SYT1: variants seen among roughly 807,000 people sequenced by gnomAD.
The protein encoded by SYT1 is synaptotagmin-1.
A neutral mutation model predicts 44.8 loss-of-function variants in SYT1; 8 were observed. The observed-to-expected ratio is 0.18, with a 90% CI of 0.10 to 0.32. The LOEUF is 0.32. SYT1 is among the 10% of genes least tolerant of loss of function. SYT1 has a pLI of 1.00. For synonymous variants in SYT1, 154 were observed against 188.8 expected, an observed-to-expected ratio of 0.82 and a Z score of 1.51; for missense variants, 286 against 509.3, an observed-to-expected ratio of 0.56 and a Z score of 4.22.
At chr12:79,042,940 A>G (rs140837923) in intron 2 of SYT1, among the ~76,000 whole-genome samples, 25,740 of 147,102 alleles carry the variant, frequency 0.17, 2,650 homozygotes, top group East Asian at 0.28. Flanking sequence ...GCGGTTTTGA[A>G]TGAGATTCTT....
chr12:78,990,268 C>G (rs1592638837), intron 2 of SYT1, among the ~76,000 whole-genome samples: 1 of 151,968 alleles, frequency 6.6e-6, no homozygotes, highest in Admixed American at 6.6e-5. Flanking sequence ...AGGTGCTGTG[C>G]CTGGAGCAAA....
intron 1 of SYT1, among the ~76,000 whole-genome samples, chr12:78,910,327 T>C (rs1221593912): frequency 6.6e-6 from 1 of 151,988 alleles, no homozygotes; most frequent in Non-Finnish European, 1.5e-5. Context: ...CTAGTTCTTA[T>C]AGTTCCTTTA....
intron 5 of SYT1, among the ~76,000 whole-genome samples, chr12:79,289,624 A>C (rs747343760): frequency 6.6e-6 from 1 of 152,214 alleles, no homozygotes; most frequent in African/African-American, 2.4e-5. Context: ...ACATAAATTC[A>C]GTTCTGAAAG....
chr12:79,284,347 T>C (rs1879197939), intron 4 of SYT1, among the ~76,000 whole-genome samples: 1 of 152,194 alleles, frequency 6.6e-6, no homozygotes, highest in Admixed American at 6.5e-5. Context: ...TCTATTATTT[T>C]AAACAGCCTG....
chr12:78,993,571 T>C (rs967204758), intron 2 of SYT1, among the ~76,000 whole-genome samples: 4 of 152,226 alleles, frequency 2.6e-5, no homozygotes, highest in African/African-American at 9.6e-5. Flanking sequence ...CCATAGAATC[T>C]TTCTTCTGGA....
intron 4 of SYT1, among the ~76,000 whole-genome samples, chr12:79,253,257 C>A (rs1396128890): frequency 1.3e-5 from 2 of 152,054 alleles, no homozygotes; most frequent in Non-Finnish European, 2.9e-5. Context: ...CAAATCAATG[C>A]CATTTTCCCC....
intron 1 of SYT1, among the ~76,000 whole-genome samples, chr12:78,908,432 C>T (rs1876120463): frequency 6.6e-6 from 1 of 151,300 alleles, no homozygotes. Flanking sequence ...ACCTTAAGGG[C>T]ACATGGTACA....
chr12:79,264,183 CTT>C (rs199984501), intron 4 of SYT1, among the ~76,000 whole-genome samples: 13 of 141,150 alleles, frequency 9.2e-5, no homozygotes, highest in East Asian at 2.0e-4. Context: ...AGCCCAGCAA[CTT>C]TTTTTTTTTT....
intron 3 of SYT1, among the ~76,000 whole-genome samples, chr12:79,118,466 C>T (rs1411202513): frequency 6.6e-6 from 1 of 152,132 alleles, no homozygotes; most frequent in Admixed American, 6.5e-5. Flanking sequence ...TTTTCTTGTG[C>T]TAATCTTGAT....
At chr12:79,005,604 A>G (rs1337440983) in intron 2 of SYT1, among the ~76,000 whole-genome samples, 1 of 152,092 alleles carries the variant, frequency 6.6e-6, no homozygotes, top group South Asian at 2.1e-4. Context: ...TTGCATATAT[A>G]ATAGCATTAT....
chr12:78,972,717 T>A (rs1868468740), intron 1 of SYT1, among the ~76,000 whole-genome samples: 2 of 151,532 alleles, frequency 1.3e-5, no homozygotes, highest in Admixed American at 6.6e-5. Context: ...CTCATTCGAT[T>A]TTTTTTTCAC....
At chr12:79,154,675 G>A (rs932163930) in intron 3 of SYT1, among the ~76,000 whole-genome samples, 8 of 152,140 alleles carry the variant, frequency 5.3e-5, no homozygotes, top group Non-Finnish European at 8.8e-5. Context: ...ATAACTAAAT[G>A]AGGACCACAT....
At chr12:79,249,996 A>G (rs1403137253) in intron 4 of SYT1, among the ~76,000 whole-genome samples, 7 of 152,210 alleles carry the variant, frequency 4.6e-5, no homozygotes, top group African/African-American at 1.2e-4. Context: ...GATCATTATC[A>G]TTAATATAGT....
intron 5 of SYT1, 61 bp from the exon 6 acceptor site, chr12:79,291,947 G>A (rs1473388171): frequency 1.2e-6 from 2 of 1,606,144 alleles, no homozygotes; most frequent in African/African-American, 2.7e-5. Context: ...TACAGGCCCA[G>A]TTCAATTTGA....
At chr12:79,386,535 G>A (rs1884443002) in intron 9 of SYT1, among the ~76,000 whole-genome samples, 1 of 151,976 alleles carries the variant, frequency 6.6e-6, no homozygotes, top group Non-Finnish European at 1.5e-5. Flanking sequence ...GGTGTGTGAT[G>A]TTCCCCTCCC....
intron 9 of SYT1, among the ~76,000 whole-genome samples, chr12:79,353,855 A>G (rs1192357994): frequency 1.3e-5 from 2 of 152,174 alleles, no homozygotes; most frequent in Non-Finnish European, 2.9e-5. Context: ...CAAAGTATCA[A>G]TTGTCTTTTT....
chr12:79,019,086 C>T (rs1872007108), intron 2 of SYT1, among the ~76,000 whole-genome samples: 2 of 151,880 alleles, frequency 1.3e-5, no homozygotes, highest in Admixed American at 1.3e-4. Flanking sequence ...TTCTTTATAT[C>T]TTGTTTCTCT....
At chr12:79,130,319 G>A (rs1868726641) in intron 3 of SYT1, among the ~76,000 whole-genome samples, 1 of 152,146 alleles carries the variant, frequency 6.6e-6, no homozygotes, top group Non-Finnish European at 1.5e-5. Flanking sequence ...TGAGCAAACT[G>A]GAACACACAG....
chr12:78,997,405 G>T (rs976395649), intron 2 of SYT1, among the ~76,000 whole-genome samples: 1 of 152,078 alleles, frequency 6.6e-6, no homozygotes, highest in Non-Finnish European at 1.5e-5. Flanking sequence ...CCAATGCCTT[G>T]GGCTTTTCTA....
Sources: allele counts gnomAD v4.1 joint callset (sites outside exome capture counted in the v4.1 genomes callset), GRCh38; gene constraint gnomAD v4.1.1; transcripts MANE v1.5; gene names NCBI Gene and HGNC (gene_info 2026-07-23, HGNC 2026-07-21).